The following SLC17A2 variants were observed in gnomAD, a reference collection of about 807,000 sequenced individuals.
SLC17A2 encodes the protein solute carrier family 17 member 2.
A neutral mutation model predicts 52.1 loss-of-function variants in SLC17A2; 38 were observed. The observed-to-expected ratio is 0.73, with a 90% CI of 0.56 to 0.96. SLC17A2 has a LOEUF of 0.96. Among genes scored for constraint, SLC17A2 ranks in the 40% least tolerant of loss-of-function variants. The pLI is 0.00. For missense variants in SLC17A2, 508 were observed against 583.9 expected (o/e 0.87, Z 1.34); for synonymous variants, 226 against 211.9 (o/e 1.07, Z -0.58).
At chr6:25,925,421 G>T (rs934986256) in intron 2 of SLC17A2, among the ~76,000 whole-genome samples, 2 of 151,236 alleles carry the variant, frequency 1.3e-5, no homozygotes, top group Admixed American at 1.3e-4. Context: ...GCTGAGGCAG[G>T]AGAATCACTT....
chr6:25,916,321 T>C (rs1434124191), intron 8 of SLC17A2, among the ~76,000 whole-genome samples: 1 of 152,194 alleles, frequency 6.6e-6, no homozygotes, highest in African/African-American at 2.4e-5. Flanking sequence ...GACCTCATGA[T>C]CTGCCTGCCT....
Position 25,913,219 on chromosome 6 carries a change from A to T in SLC17A2, c.*98T>A, listed in dbSNP as rs1436033831. 4 of 1,324,678 alleles carry T rather than the reference A, an allele frequency of 3.0e-6. No homozygotes were observed. The East Asian group carries it at 6.9e-5, about 23-fold the overall frequency. The allele number at this position is 1,324,678 out of a possible 1,614,324, so 82.1% of individuals were successfully genotyped here. ...GGAAGACTAACACACAGCCAGAGTT[A>T]AGAACTGCTGAGTCTATGGTCAGGA... On this transcript the variant is annotated 3_prime_UTR_variant, in exon 12 of 12. Coordinates refer to ENST00000377850, the MANE Select transcript of SLC17A2 (RefSeq NM_001286123.3).
In SLC17A2 at chr6:25,923,807, A is replaced by G. The variant is rs1194391764; in HGVS notation, c.128T>C (p.Ile43Thr). ...TQRVSLSIAI[I>T]AMVNTTQQQG... ...CTGCTGAGTGGTGTTCACCATGGCG[A>G]TGATCGCAATGCTCAGACTCACACG... Residue 43 changes from isoleucine to threonine, a missense_variant, in exon 3 of 12, where the codon ATC becomes ACC. Transcript: ENST00000377850. 3.7e-6 allele frequency: 6 copies of G among 1,614,086 alleles called. No homozygotes were observed. In the Admixed American group the frequency reaches 1.0e-4, roughly 27 times the overall value.
At chr6:25,920,926 C>T in intron 5 of SLC17A2, 80 bp downstream of exon 5, 2 of 1,355,952 alleles carry the variant, frequency 1.5e-6, no homozygotes, top group Admixed American at 1.8e-5. Flanking sequence ...CTCTCTTCCC[C>T]AAACCATTTG....
intron 5 of SLC17A2, among the ~76,000 whole-genome samples, chr6:25,919,648 C>G (rs534515970): frequency 7.9e-6 from 1 of 126,442 alleles, no homozygotes; most frequent in Admixed American, 1.1e-4. Context: ...TGCAGTGAGC[C>G]GAGATAGCGC....
At position 25,930,611 on chromosome 6, in the gene SLC17A2, CCTT is replaced by C. The variant is rs1766916758; in HGVS notation, c.-421_-419del. On this transcript the variant is annotated 5_prime_UTR_variant, in exon 1 of 12. Transcript: ENST00000377850. ...TTGGAAAAGGAGGGAGTTTTCTGTC[CCTT>C]CTTCCCTTTCAAATACTTTTGCAGA... The C allele has an allele frequency of 6.6e-6, 1 of 152,152 alleles. No individual in the cohort carries two copies. Among genetic ancestry groups the C allele is most frequent in the Admixed American group, 6.5e-5 (1 of 15,272 alleles). 9.4% of individuals were successfully genotyped at this position (152,152 alleles called of 1,614,324 possible).
chr6:25,923,980 G>C (rs193263865), intron 2 of SLC17A2, 74 bp from the exon 3 acceptor site: 4 of 1,191,308 alleles, frequency 3.4e-6, no homozygotes. Context: ...CTCACAGCTC[G>C]ATCTGATAGA....
At chr6:25,929,414 G>T (rs1249246888) in intron 1 of SLC17A2, among the ~76,000 whole-genome samples, 2 of 152,164 alleles carry the variant, frequency 1.3e-5, no homozygotes, top group African/African-American at 4.8e-5. Flanking sequence ...ATAATAAACA[G>T]TCACAATATT....
At chr6:25,922,327 G>C (rs919136630) in intron 3 of SLC17A2, among the ~76,000 whole-genome samples, 1 of 152,178 alleles carries the variant, frequency 6.6e-6, no homozygotes, top group Non-Finnish European at 1.5e-5. Context: ...ATGATTTGTA[G>C]AAAGTCAAAA....
At chr6:25,915,911 T>C (rs2151543867) in intron 8 of SLC17A2, 43 bp from the exon 9 acceptor site, 2 of 1,589,272 alleles carry the variant, frequency 1.3e-6, no homozygotes, top group East Asian at 2.2e-5. Flanking sequence ...AGAGATACGT[T>C]AGCACCAAAA....
intron 6 of SLC17A2, among the ~76,000 whole-genome samples, chr6:25,917,851 G>C (rs1270729143): frequency 6.6e-6 from 1 of 152,214 alleles, no homozygotes; most frequent in Non-Finnish European, 1.5e-5. Flanking sequence ...CAGGCACCAT[G>C]ATGACACCCA....
intron 3 of SLC17A2, among the ~76,000 whole-genome samples, chr6:25,922,016 A>G (rs1244945695): frequency 6.6e-6 from 1 of 151,494 alleles, no homozygotes; most frequent in African/African-American, 2.4e-5. Context: ...ACCTAAAAAT[A>G]AATAGATTTT....
At chr6:25,922,157 C>T (rs12207059) in intron 3 of SLC17A2, among the ~76,000 whole-genome samples, 25,553 of 151,594 alleles carry the variant, frequency 0.17, 2,738 homozygotes, top group Non-Finnish European at 0.23. Flanking sequence ...ATATTTTACC[C>T]ACTCAAAAAA....
chr6:25,918,528 AT>A lies in SLC17A2; in HGVS notation c.607del (p.Ile203SerfsTer5). 6.2e-7 allele frequency: 1 copy of A among 1,613,846 alleles called. No homozygotes were observed. The highest frequency in any genetic ancestry group is 8.5e-7 in the Non-Finnish European group (1 of 1,179,788). On this transcript the variant is annotated frameshift_variant, in exon 6 of 12. Coordinates refer to ENST00000377850, the MANE Select transcript of SLC17A2 (RefSeq NM_001286123.3). LOFTEE classifies it high-confidence loss of function. ...SFIILCVGGL[I>X]SQALSWPFIF... Reference sequence around the variant, plus strand: ...AAAAGGCCAGCTCAAGGCCTGTGAGATTAGTCCCCCCACACAGAGGATGATG... The same window carrying A: ...AAAAGGCCAGCTCAAGGCCTGTGAGATAGTCCCCCCACACAGAGGATGATG...
chr6:25,926,706 T>G (rs1017331147), intron 1 of SLC17A2, among the ~76,000 whole-genome samples: 2 of 152,228 alleles, frequency 1.3e-5, no homozygotes, highest in Non-Finnish European at 2.9e-5. Context: ...AAATTGAAGC[T>G]TCTATGACTT....
chr6:25,915,933 C>A, intron 8 of SLC17A2, 65 bp from the exon 9 acceptor site: 2 of 1,504,982 alleles, frequency 1.3e-6, no homozygotes, highest in Non-Finnish European at 1.8e-6. Flanking sequence ...TTGTCAGTTA[C>A]ACAGACCAGC....
At chr6:25,928,349 G>A (rs1581577877) in intron 1 of SLC17A2, among the ~76,000 whole-genome samples, 1 of 152,172 alleles carries the variant, frequency 6.6e-6, no homozygotes, top group Non-Finnish European at 1.5e-5. Context: ...ATTTATTCTA[G>A]AAGGAAGTTT....
Position 25,915,888 on chromosome 6 carries a change from A to G in SLC17A2, c.931-20T>C. 6.2e-7 allele frequency: 1 copy of G among 1,611,326 alleles called. No individual in the cohort carries two copies. Among genetic ancestry groups the G allele is most frequent in the Non-Finnish European group, 8.5e-7 (1 of 1,178,860 alleles). On this transcript the variant is annotated intron_variant, in intron 8 of 11. Transcript: ENST00000377850. ...TCCACTCTGAAGGAAGGAAGTTTATACAGAGTAGTTATAGAGATACGTTAG... is the reference window on the plus strand; with the variant it reads ...TCCACTCTGAAGGAAGGAAGTTTATGCAGAGTAGTTATAGAGATACGTTAG...
At position 25,921,086 on chromosome 6, in the gene SLC17A2, G is replaced by A. The variant is rs1766536882; in HGVS notation, c.482C>T (p.Ala161Val). The change falls in exon 5 of 12, where the codon GCA becomes GTA. Residue 161 changes from alanine (A) to valine (V), a missense_variant. Physicochemically the swap from Ala to Val is moderately conservative, Grantham distance 64 (BLOSUM62 0). Transcript: ENST00000377850. ...RTVQGMAQGMAWTGQFTIWAK... is the reference protein window; with the variant it reads ...RTVQGMAQGMVWTGQFTIWAK... Reference sequence around the variant, plus strand: ...CCAAATAGTAAACTGACCTGTCCATGCCATTCCCTGAAATGAAAATCATTA... The same window carrying A: ...CCAAATAGTAAACTGACCTGTCCATACCATTCCCTGAAATGAAAATCATTA... The A allele has an allele frequency of 6.2e-7, 1 of 1,614,086 alleles. No individual in the cohort carries two copies. The highest frequency in any genetic ancestry group is 8.5e-7 in the Non-Finnish European group (1 of 1,179,960).
Sources: gnomAD v4.1 joint callset for allele counts (sites outside exome capture counted in the v4.1 genomes callset) on GRCh38, gnomAD v4.1.1 for gene constraint, MANE v1.5 for transcripts, NCBI Gene and HGNC (gene_info 2026-07-23, HGNC 2026-07-21) for gene names.